The following YES1 variants were observed in gnomAD, a reference collection of about 807,000 sequenced individuals.
YES1 encodes YES proto-oncogene 1, Src family tyrosine kinase, also known as tyrosine-protein kinase Yes.
A neutral mutation model predicts 70.4 loss-of-function variants in YES1; 39 were observed. The ratio of observed to expected loss-of-function variants is 0.55; its 90% CI spans 0.43 to 0.72. The LOEUF is 0.72. Among genes scored for constraint, YES1 ranks in the 30% least tolerant of loss-of-function variants. The probability of loss-of-function intolerance (pLI) is 0.00; values close to 1 mark genes in which losing one functional copy is unlikely to be tolerated. For missense variants in YES1, 495 were observed against 644.8 expected (o/e 0.77, Z 2.52); for synonymous variants, 198 against 218.6 (o/e 0.91, Z 0.83).
rs530790295 is a variant in YES1 at position 780,210 on chromosome 18, C to T, written c.-8-23375G>A. Among the ~76,000 whole-genome samples, 25 of 152,102 alleles carry T rather than the reference C, an allele frequency of 1.6e-4. 1 individual carries two copies. The highest frequency in any genetic ancestry group is 1.0e-3 in the South Asian group (5 of 4,802). ...ACTGCCCTCTGCACTCCAGCTTGGG[C>T]GACAGAATGAGACTTTGTCTCCAAA... On this transcript the variant is annotated intron_variant, in intron 1 of 11. Coordinates refer to ENST00000314574, the MANE Select transcript of YES1 (RefSeq NM_005433.4).
At chr18:743,948 CTACTTAGT>C (rs2080247311) in intron 6 of YES1, among the ~76,000 whole-genome samples, 1 of 148,400 alleles carries the variant, frequency 6.7e-6, no homozygotes, top group African/African-American at 2.5e-5. Flanking sequence ...TTATTACTTA[CTACTTAGT>C]ATGTATATAC....
chr18:779,055 G>C (rs1205969300), intron 1 of YES1, among the ~76,000 whole-genome samples: 1 of 152,078 alleles, frequency 6.6e-6, no homozygotes, highest in African/African-American at 2.4e-5. Context: ...GAACCTCGTA[G>C]TTTCTTTAAT....
rs1478433348 is a variant in YES1, at chr18:756,543, C to T, written c.271+14G>A. On this transcript the variant is annotated intron_variant, in intron 2 of 11. Transcript: ENST00000314574. ...TTCTCAAACAGACAACATAATTGTC[C>T]ATTTAAATCTCACCTGTTAAACCAG... 5 of 1,613,462 alleles carry T rather than the reference C, an allele frequency of 3.1e-6. No homozygotes were observed. Among genetic ancestry groups the T allele is most frequent in the Non-Finnish European group, 4.2e-6 (5 of 1,179,576 alleles).
At chr18:772,333 T>C (rs1187833857) in intron 1 of YES1, among the ~76,000 whole-genome samples, 1 of 152,016 alleles carries the variant, frequency 6.6e-6, no homozygotes, top group Non-Finnish European at 1.5e-5. Context: ...CCGGCCTGCA[T>C]GTTCAAGTTT....
intron 10 of YES1, among the ~76,000 whole-genome samples, chr18:734,686 T>TAA (rs1288538575): frequency 7.2e-6 from 1 of 139,350 alleles, no homozygotes; most frequent in Admixed American, 7.1e-5. Flanking sequence ...AATGAATAAG[T>TAA]AAAAAAAAAA....
rs2145651595 is a variant in YES1, at chr18:723,955, TAATA to T, written c.*465_*468del. 2 of 155,638 alleles carry T rather than the reference TAATA, an allele frequency of 1.3e-5. No homozygotes were observed. The highest frequency in any genetic ancestry group is 2.9e-5 in the Non-Finnish European group (2 of 69,840). 9.6% of individuals were successfully genotyped at this position (155,638 alleles called of 1,614,324 possible). A position where few individuals can be genotyped will look rare whatever the true frequency, so the allele number is the denominator to read the frequency against. On this transcript the variant is annotated 3_prime_UTR_variant, in exon 12 of 12. Transcript: ENST00000314574. The stretch of plus-strand genomic sequence containing the variant: ...TTAACTTAGAAAAAACTTTTGAGAA[TAATA>T]AATGCAAGAAACTTTAAAAAACTGG...
At chr18:762,433 A>C (rs1277105292) in intron 1 of YES1, among the ~76,000 whole-genome samples, 1 of 152,222 alleles carries the variant, frequency 6.6e-6, no homozygotes, top group African/African-American at 2.4e-5. Flanking sequence ...GCCAAACCCC[A>C]CAACACACAA....
rs565554930 is a variant in YES1, at chr18:749,802, G to A, written c.372-1784C>T. ...ATGAACCCAGGGGGCAGAGCTTGCA[G>A]TGAGCCGAGATTGCGCCACTGCACT... On this transcript the variant is annotated intron_variant, in intron 3 of 11. Coordinates refer to ENST00000314574, the MANE Select transcript of YES1 (RefSeq NM_005433.4). Among the ~76,000 whole-genome samples the A allele has an allele frequency of 4.8e-3, 723 of 150,794 alleles. 6 individuals are homozygous for A. The highest frequency in any genetic ancestry group is 8.3e-3 in the Non-Finnish European group (565 of 67,860).
chr18:794,571 T>C (rs577963487), intron 1 of YES1, among the ~76,000 whole-genome samples: 35 of 152,208 alleles, frequency 2.3e-4, no homozygotes, highest in African/African-American at 8.2e-4. Flanking sequence ...AGAAAAAAAA[T>C]GGCTTAAAAT....
rs929145912 is a variant in YES1, at chr18:723,255, T to C, written c.*1169A>G. ...TTTAGTGTGTAAGAAAAATTAGTTTTATAGTTATACTTTATAACTCTTCAA... is the reference window on the plus strand; with the variant it reads ...TTTAGTGTGTAAGAAAAATTAGTTTCATAGTTATACTTTATAACTCTTCAA... On this transcript the variant is annotated 3_prime_UTR_variant, in exon 12 of 12. Coordinates refer to ENST00000314574, the MANE Select transcript of YES1 (RefSeq NM_005433.4). 2 of 152,556 alleles carry C rather than the reference T, an allele frequency of 1.3e-5. No homozygotes were observed. Among genetic ancestry groups the C allele is most frequent in the African/African-American group, 4.8e-5 (2 of 41,462 alleles). 9.5% of individuals were successfully genotyped at this position (152,556 alleles called of 1,614,324 possible). A position where few individuals can be genotyped will look rare whatever the true frequency, so the allele number is the denominator to read the frequency against.
intron 1 of YES1, among the ~76,000 whole-genome samples, chr18:795,080 G>A (rs985994834): frequency 2.6e-5 from 4 of 152,078 alleles, no homozygotes; most frequent in African/African-American, 7.2e-5. Context: ...CCCAAAGGAT[G>A]CTATTTCCAA....
chr18:799,429 G>A (rs1906706228), intron 1 of YES1, among the ~76,000 whole-genome samples: 1 of 152,218 alleles, frequency 6.6e-6, no homozygotes, highest in Admixed American at 6.5e-5. Flanking sequence ...TGGTTGTGAG[G>A]CTGGGCATGG....
At chr18:751,650 T>C (rs1395310955) in intron 3 of YES1, 55 bp downstream of exon 3, 29 of 1,199,298 alleles carry the variant, frequency 2.4e-5, no homozygotes, top group Non-Finnish European at 3.5e-5. Context: ...GTGGTTCCTG[T>C]GTAAAGACCA....
chr18:741,054 C>T (rs1015534231), intron 8 of YES1, among the ~76,000 whole-genome samples: 3 of 152,002 alleles, frequency 2.0e-5, no homozygotes, highest in Non-Finnish European at 2.9e-5. Flanking sequence ...CAAGCCACCA[C>T]GCCCAGCTGT....
intron 1 of YES1, among the ~76,000 whole-genome samples, chr18:800,108 G>A (rs749028233): frequency 1.2e-4 from 19 of 152,268 alleles, no homozygotes; most frequent in Non-Finnish European, 2.5e-4. Flanking sequence ...CATCCTGAGC[G>A]TTAATGATAC....
In YES1 at chr18:721,784, C is replaced by T. The variant is rs997126659; in HGVS notation, c.*2640G>A. The T allele has an allele frequency of 2.0e-5, 3 of 152,426 alleles. No homozygotes were observed. The highest frequency in any genetic ancestry group is 7.2e-5 in the African/African-American group (3 of 41,416). 9.4% of individuals were successfully genotyped at this position (152,426 alleles called of 1,614,324 possible). A position where few individuals can be genotyped will look rare whatever the true frequency, so the allele number is the denominator to read the frequency against. ...GAGAACTTTTTATTTCAATTATCCA[C>T]AAAACAATATTACAATACTTTATAA... On this transcript the variant is annotated 3_prime_UTR_variant, in exon 12 of 12. Coordinates refer to ENST00000314574, the MANE Select transcript of YES1 (RefSeq NM_005433.4).
At chr18:768,984 G>A (rs767526070) in intron 1 of YES1, among the ~76,000 whole-genome samples, 5 of 152,274 alleles carry the variant, frequency 3.3e-5, no homozygotes, top group Non-Finnish European at 5.9e-5. Context: ...ATACAGGCAT[G>A]AGCCACTGTG....
intron 1 of YES1, among the ~76,000 whole-genome samples, chr18:795,632 A>C (rs1448257196): frequency 1.3e-5 from 2 of 152,000 alleles, no homozygotes; most frequent in Non-Finnish European, 2.9e-5. Flanking sequence ...GGAAATCATC[A>C]TCCTCAGCAA....
At chr18:809,464 TA>T (rs1158778197) in intron 1 of YES1, among the ~76,000 whole-genome samples, 1 of 152,110 alleles carries the variant, frequency 6.6e-6, no homozygotes. Flanking sequence ...CACACCCAGA[TA>T]ATTTTTGTAC....
Sources: gnomAD v4.1 joint callset for allele counts (sites outside exome capture counted in the v4.1 genomes callset) on GRCh38, gnomAD v4.1.1 for gene constraint, MANE v1.5 for transcripts, NCBI Gene and HGNC (gene_info 2026-07-23, HGNC 2026-07-21) for gene names.